RNF128: variants seen among roughly 807,000 people sequenced by gnomAD.
The protein encoded by RNF128 is E3 ubiquitin-protein ligase RNF128.
RNF128 carries 13 observed loss-of-function variants against 26.2 expected under a neutral mutation model. That is an observed-to-expected ratio of 0.50 (90% CI 0.32 to 0.79). The LOEUF (loss-of-function observed/expected upper bound fraction) is 0.79, where lower values mean the gene tolerates loss of function less well. RNF128 is among the 30% of genes least tolerant of loss of function. RNF128 has a pLI of 0.03. For synonymous variants in RNF128, 149 were observed against 142.5 expected (o/e 1.05, Z -0.32); for missense variants, 315 against 349.7 (o/e 0.90, Z 0.79).
At chrX:106,743,864 CAAT>C (rs2044399983) in intron 1 of RNF128, among the ~76,000 whole-genome samples, 1 of 111,499 alleles carries the variant, frequency 9.0e-6, no homozygotes, top group Non-Finnish European at 1.9e-5. Flanking sequence ...AAATGTCCAA[CAAT>C]GATAGACTGG....
chrX:106,788,325 T>G (rs1451674328), intron 4 of RNF128, among the ~76,000 whole-genome samples: 1 of 57,976 alleles, frequency 1.7e-5, no homozygotes, highest in Non-Finnish European at 2.9e-5. Context: ...TGTATTAATA[T>G]TATATATACT....
rs1296546107 is a variant in RNF128, at chrX:106,780,739, C to T, written c.733-4326C>T. On this transcript the variant is annotated intron_variant, in intron 2 of 6. Transcript: ENST00000255499. ...CCTCTTAAAGGCTTCTTTGCCATTA[C>T]ACAATGGAGGCAGTGTACAATAGTG... 4.5e-5 allele frequency among the ~76,000 whole-genome samples: 5 copies of T among 112,111 alleles called. No individual in the cohort carries two copies. In the East Asian group the frequency reaches 1.4e-3, roughly 31 times the overall value.
chrX:106,739,102 A>G (rs376171674), intron 1 of RNF128, among the ~76,000 whole-genome samples: 1 of 109,710 alleles, frequency 9.1e-6, no homozygotes, highest in Non-Finnish European at 1.9e-5. Flanking sequence ...TCTCTCTTCT[A>G]TTCTCTTCTC....
chrX:106,753,168 T>C (rs899631458), intron 1 of RNF128, among the ~76,000 whole-genome samples: 4 of 111,516 alleles, frequency 3.6e-5, no homozygotes, highest in Admixed American at 9.6e-5. Context: ...TATAACACTG[T>C]AGTTGTGGTG....
chrX:106,707,731 A>T (rs749392654), intron 1 of RNF128, among the ~76,000 whole-genome samples: 110 of 110,371 alleles, frequency 1.0e-3, no homozygotes, highest in African/African-American at 3.6e-3. Flanking sequence ...TTCATCCTTC[A>T]TTAAAACAGC....
chrX:106,788,404 AAT>A (rs1267848383), intron 4 of RNF128, among the ~76,000 whole-genome samples: 1 of 42,192 alleles, frequency 2.4e-5, no homozygotes, highest in Non-Finnish European at 3.8e-5. Flanking sequence ...TATTATATAT[AAT>A]ATATAATATA....
upstream of RNF128, among the ~76,000 whole-genome samples, chrX:106,722,481 C>A (rs1266560841): frequency 8.9e-6 from 1 of 111,780 alleles, no homozygotes; most frequent in Non-Finnish European, 1.9e-5. Flanking sequence ...CTCTTGGTAG[C>A]AAGGCTCTGT....
chrX:106,697,143 C>T (rs1479195706), intron 1 of RNF128, among the ~76,000 whole-genome samples: 2 of 111,993 alleles, frequency 1.8e-5, no homozygotes, highest in African/African-American at 6.5e-5. Context: ...TCTAAATAAA[C>T]CTTTTTTGTA....
intron 1 of RNF128, among the ~76,000 whole-genome samples, chrX:106,705,078 T>C (rs781043569): frequency 2.7e-5 from 3 of 111,316 alleles, no homozygotes; most frequent in Non-Finnish European, 5.7e-5. Context: ...TGGAGAAGCA[T>C]GTCAATGTTT....
chrX:106,713,269 G>T (rs1222222653), intron 1 of RNF128, among the ~76,000 whole-genome samples: 1 of 110,018 alleles, frequency 9.1e-6, no homozygotes, highest in Non-Finnish European at 1.9e-5. Context: ...AGCACTTTGG[G>T]AAGCCAAGGC....
chrX:106,726,267 C>G (rs1013537708), upstream of RNF128, among the ~76,000 whole-genome samples: 1 of 110,650 alleles, frequency 9.0e-6, no homozygotes, highest in Non-Finnish European at 1.9e-5. Flanking sequence ...GCCCTTCCCC[C>G]CTCTAGAGAA....
At chrX:106,702,902 G>A (rs748674931) in intron 1 of RNF128, among the ~76,000 whole-genome samples, 10 of 111,768 alleles carry the variant, frequency 8.9e-5, no homozygotes, top group South Asian at 7.5e-4. Context: ...GACATGCTTT[G>A]AGCACACAAA....
chrX:106,769,546 G>GTTTTTTTTTTTTTTTTTTT (rs752900867), intron 1 of RNF128, among the ~76,000 whole-genome samples: 3 of 65,115 alleles, frequency 4.6e-5, no homozygotes, highest in Admixed American at 2.3e-4. Flanking sequence ...CACCTGCTTT[G>GTTTTTTTTTTTTTTTTTTT]TTTTTTTTTT....
At chrX:106,699,476 T>C (rs761038572) in intron 1 of RNF128, among the ~76,000 whole-genome samples, 43 of 111,709 alleles carry the variant, frequency 3.8e-4, no homozygotes, top group Non-Finnish European at 7.5e-4. Context: ...CTACTACCAC[T>C]AGTCTAGTAC....
In RNF128 at chrX:106,698,558, A is replaced by T. The variant is rs1928907416; in HGVS notation, c.406+4150A>T. 2.7e-5 allele frequency among the ~76,000 whole-genome samples: 3 copies of T among 111,947 alleles called. No homozygotes were observed. In the South Asian group the frequency reaches 1.1e-3, roughly 43 times the overall value. On this transcript the variant is annotated intron_variant, in intron 1 of 6. Transcript: ENST00000324342. ...ACTAACTCAGATATGTACATAAAGA[A>T]GAGCTTAATTCAAGAAAACTAATCA...
At chrX:106,702,022 CT>C (rs1319894480) in intron 1 of RNF128, among the ~76,000 whole-genome samples, 5 of 105,271 alleles carry the variant, frequency 4.7e-5, no homozygotes, top group African/African-American at 1.0e-4. Context: ...ACATCATAAG[CT>C]TTTTTTTTTA....
At position 106,791,120 on chromosome X, in the gene RNF128, T is replaced by C. The variant is rs180863176; in HGVS notation, c.1039T>C (p.Ser347Pro). ...SLQVPVSNEI[S>P]NSASSHEEDN... The stretch of plus-strand genomic sequence containing the variant: ...ACAAGTCCCTGTATCCAATGAAATA[T>C]CTAATAGTGCCTCCTCCCATGAAGA... Residue 347 changes from serine (S) to proline (P), a missense_variant, in exon 6 of 7, where the codon TCT (serine) becomes CCT (proline). Ser to Pro is a moderately conservative substitution (Grantham distance 74). Transcript: ENST00000255499. 114 of 1,206,191 alleles carry C rather than the reference T, an allele frequency of 9.5e-5. No individual in the cohort carries two copies. In the East Asian group the frequency reaches 2.5e-3, roughly 26 times the overall value.
At chrX:106,713,030 G>A (rs1414348820) in intron 1 of RNF128, among the ~76,000 whole-genome samples, 1 of 107,420 alleles carries the variant, frequency 9.3e-6, no homozygotes, top group Non-Finnish European at 1.9e-5. Context: ...GCAGGTATCC[G>A]CCGCTTCGCC....
chrX:106,769,134 C>G (rs1273986356), intron 1 of RNF128, among the ~76,000 whole-genome samples: 2 of 111,736 alleles, frequency 1.8e-5, no homozygotes, highest in African/African-American at 6.5e-5. Flanking sequence ...TTACTTCCAA[C>G]TATGTCGTCC....
Sources: allele counts gnomAD v4.1 joint callset (sites outside exome capture counted in the v4.1 genomes callset), GRCh38; gene constraint gnomAD v4.1.1; transcripts MANE v1.5; gene names NCBI Gene and HGNC (gene_info 2026-07-23, HGNC 2026-07-21).